PI4K2B: variants seen among roughly 807,000 people sequenced by gnomAD.
The protein encoded by PI4K2B is phosphatidylinositol 4-kinase type 2-beta.
Under a neutral mutation model 56.6 loss-of-function variants are expected in PI4K2B, and 46 were observed. That is an observed-to-expected ratio of 0.81 (90% CI 0.64 to 1.04). The LOEUF (loss-of-function observed/expected upper bound fraction) is 1.04, where lower values mean the gene tolerates loss of function less well. Among genes scored for constraint, PI4K2B ranks in the 50% least tolerant of loss-of-function variants. The pLI, the probability that PI4K2B is intolerant of heterozygous loss-of-function variation, is 0.00. For synonymous variants in PI4K2B, 211 were observed against 223.8 expected, an observed-to-expected ratio of 0.94 and a Z score of 0.51; for missense variants, 556 against 607.7, an observed-to-expected ratio of 0.91 and a Z score of 0.89.
chr4:25,246,078 G>C (rs184331878), intron 1 of PI4K2B, among the ~76,000 whole-genome samples: 2 of 152,046 alleles, frequency 1.3e-5, no homozygotes, highest in African/African-American at 4.8e-5. Flanking sequence ...TCGTGGTCTC[G>C]CTGGCTTCAG....
At chr4:25,270,378 C>A (rs1048617030) in intron 9 of PI4K2B, among the ~76,000 whole-genome samples, 5 of 151,594 alleles carry the variant, frequency 3.3e-5, no homozygotes, top group Non-Finnish European at 7.4e-5. Flanking sequence ...CAGACTCTTG[C>A]CCTGTCGCCC....
At chr4:25,263,722 A>G (rs1560377369) in intron 6 of PI4K2B, 28 bp from the exon 7 acceptor site, 5 of 817,210 alleles carry the variant, frequency 6.1e-6, no homozygotes, top group Non-Finnish European at 8.3e-6. Flanking sequence ...AGGTTCTTTT[A>G]TCAACATATC....
chr4:25,237,409 C>T (rs953785227), intron 1 of PI4K2B, among the ~76,000 whole-genome samples: 1 of 151,728 alleles, frequency 6.6e-6, no homozygotes, highest in Non-Finnish European at 1.5e-5. Flanking sequence ...AGTTTCATTC[C>T]TGTCACCCAG....
chr4:25,257,512 A>G (rs1716304370), intron 4 of PI4K2B, among the ~76,000 whole-genome samples: 1 of 152,236 alleles, frequency 6.6e-6, no homozygotes, highest in Non-Finnish European at 1.5e-5. Flanking sequence ...TTTACTTACT[A>G]CACATTAGGT....
At chr4:25,242,120 C>T (rs927228716) in intron 1 of PI4K2B, among the ~76,000 whole-genome samples, 2 of 152,250 alleles carry the variant, frequency 1.3e-5, no homozygotes, top group African/African-American at 4.8e-5. Context: ...GCCCTGGTCC[C>T]TCTGGCTAAG....
intron 1 of PI4K2B, among the ~76,000 whole-genome samples, chr4:25,249,967 C>T (rs997043851): frequency 3.0e-4 from 46 of 152,192 alleles, no homozygotes; most frequent in Non-Finnish European, 6.2e-4. Context: ...TTTGCAATCC[C>T]GGCACCTCGG....
At chr4:25,250,838 TG>T (rs1243753108) in intron 1 of PI4K2B, among the ~76,000 whole-genome samples, 3 of 151,998 alleles carry the variant, frequency 2.0e-5, no homozygotes, top group Non-Finnish European at 4.4e-5. Context: ...TGGCAAGAGG[TG>T]GTTGGATTCT....
intron 1 of PI4K2B, among the ~76,000 whole-genome samples, chr4:25,246,830 C>T (rs1330583018): frequency 1.3e-5 from 2 of 152,256 alleles, no homozygotes; most frequent in Non-Finnish European, 2.9e-5. Context: ...GGGGACCCAG[C>T]AGCACCCTCT....
At chr4:25,251,567 G>T (rs182572941) in intron 1 of PI4K2B, among the ~76,000 whole-genome samples, 3 of 152,216 alleles carry the variant, frequency 2.0e-5, no homozygotes, top group East Asian at 3.9e-4. Context: ...TCCTTTGTAG[G>T]TTCTAGTAGG....
intron 1 of PI4K2B, among the ~76,000 whole-genome samples, chr4:25,245,368 T>A (rs1413086234): frequency 1.3e-5 from 2 of 151,828 alleles, no homozygotes; most frequent in South Asian, 2.1e-4. Flanking sequence ...GGGGTAAGGG[T>A]CAGGATAGAT....
At chr4:25,237,697 G>T (rs1225054004) in intron 1 of PI4K2B, among the ~76,000 whole-genome samples, 1 of 152,186 alleles carries the variant, frequency 6.6e-6, no homozygotes, top group Non-Finnish European at 1.5e-5. Context: ...GAGAGGCTGG[G>T]CATGGTGGCT....
chr4:25,272,725 G>A (rs924265316), intron 9 of PI4K2B, among the ~76,000 whole-genome samples: 11 of 152,156 alleles, frequency 7.2e-5, no homozygotes, highest in African/African-American at 2.7e-4. Context: ...ATTGGGCCAG[G>A]CGTGTTGGCT....
chr4:25,247,539 A>G (rs1169650623), intron 1 of PI4K2B, among the ~76,000 whole-genome samples: 1 of 152,188 alleles, frequency 6.6e-6, no homozygotes, highest in African/African-American at 2.4e-5. Flanking sequence ...CAGACTGTAT[A>G]TATGTGCTTG....
chr4:25,235,715 G>A (rs1026397541), intron 1 of PI4K2B, among the ~76,000 whole-genome samples: 2 of 152,222 alleles, frequency 1.3e-5, no homozygotes, highest in Non-Finnish European at 2.9e-5. Context: ...CTGTAAAATA[G>A]CTAGCTTGCC....
intron 4 of PI4K2B, among the ~76,000 whole-genome samples, chr4:25,257,590 G>A (rs1490818781): frequency 6.6e-6 from 1 of 152,168 alleles, no homozygotes; most frequent in Non-Finnish European, 1.5e-5. Flanking sequence ...CAAGGGTAGA[G>A]AGGGTTAATG....
At chr4:25,252,842 T>G (rs901832850) in intron 2 of PI4K2B, among the ~76,000 whole-genome samples, 3 of 152,138 alleles carry the variant, frequency 2.0e-5, no homozygotes, top group African/African-American at 7.2e-5. Flanking sequence ...CTTGAACTCC[T>G]GGGCTCAAGC....
intron 9 of PI4K2B, among the ~76,000 whole-genome samples, chr4:25,272,475 C>G (rs1323892096): frequency 6.6e-6 from 1 of 152,064 alleles, no homozygotes; most frequent in Non-Finnish European, 1.5e-5. Context: ...CTATGTAGCT[C>G]TCTGGTTTTG....
At chr4:25,236,371 T>G (rs1346292642) in intron 1 of PI4K2B, among the ~76,000 whole-genome samples, 1 of 152,038 alleles carries the variant, frequency 6.6e-6, no homozygotes, top group Non-Finnish European at 1.5e-5. Flanking sequence ...GCCAACATGG[T>G]GAAACCCTGC....
chr4:25,254,920 G>A (rs951623364), intron 2 of PI4K2B, 145 bp from the exon 3 acceptor site: 2 of 615,002 alleles, frequency 3.3e-6, no homozygotes. Context: ...TAATAGTTGA[G>A]GTTTATAAAT....
Sources: allele counts gnomAD v4.1 joint callset (sites outside exome capture counted in the v4.1 genomes callset), GRCh38; gene constraint gnomAD v4.1.1; transcripts MANE v1.5; gene names NCBI Gene and HGNC (gene_info 2026-07-23, HGNC 2026-07-21).